Variants in ERICH2 observed in about 807,000 individuals in gnomAD.
ERICH2 encodes glutamate-rich protein 2.
Under a neutral mutation model 17.4 loss-of-function variants are expected in ERICH2, and 17 were observed. That is an observed-to-expected ratio of 0.98 (90% CI 0.67 to 1.47). The LOEUF (loss-of-function observed/expected upper bound fraction) is 1.47, where lower values mean the gene tolerates loss of function less well. Ranked by LOEUF, ERICH2 falls within the 40% of genes most tolerant of loss-of-function variation. The pLI is 0.00. For missense variants in ERICH2, 186 were observed against 183.2 expected (o/e 1.01, Z -0.09); for synonymous variants, 51 against 61.1 (o/e 0.83, Z 0.77).
the ERICH2 span, among the ~76,000 whole-genome samples, chr2:170,773,230 C>T: frequency 6.6e-6 from 1 of 152,190 alleles, no homozygotes; most frequent in East Asian, 1.9e-4. Flanking sequence ...ATCTTTGTTT[C>T]AGTGTTAACT....
intron 2 of ERICH2, among the ~76,000 whole-genome samples, chr2:170,787,888 T>G (rs1466194821): frequency 6.6e-6 from 1 of 152,212 alleles, no homozygotes; most frequent in Non-Finnish European, 1.5e-5. Flanking sequence ...TGGTATCTGT[T>G]GTCCAGTTTC....
At chr2:170,777,582 A>G in the ERICH2 span, 79 of 1,128,932 alleles carry the variant, frequency 7.0e-5, no homozygotes, top group Non-Finnish European at 8.0e-5. Context: ...TTTGCCATTT[A>G]GAAGTGTATG....
At position 170,787,657 on chromosome 2, in the gene ERICH2, G is replaced by A. The variant is rs1445091768; in HGVS notation, c.216+2824G>A. 3.3e-5 allele frequency among the ~76,000 whole-genome samples: 5 copies of A among 152,344 alleles called. No homozygotes were observed. In the East Asian group the frequency reaches 7.7e-4, roughly 23 times the overall value. ...AGAAACACCTCTGCAGATTGCTGGA[G>A]CCCTCTGTCTTTGTGAAACTCCCTC... On this transcript the variant is annotated intron_variant, in intron 2 of 4. Transcript: ENST00000409885.
intron 2 of ERICH2, among the ~76,000 whole-genome samples, chr2:170,792,407 AAAT>A (rs529387387): frequency 5.1e-4 from 77 of 152,354 alleles, no homozygotes; most frequent in African/African-American, 1.8e-3. Context: ...AGTATAATAA[AAAT>A]AATAAAAACA....
chr2:170,787,882 A>G (rs1033916544), intron 2 of ERICH2, among the ~76,000 whole-genome samples: 1 of 152,200 alleles, frequency 6.6e-6, no homozygotes, highest in African/African-American at 2.4e-5. Context: ...GTCCTGTGGT[A>G]TCTGTTGTCC....
chr2:170,782,601 A>G (rs1336889615), upstream of ERICH2, among the ~76,000 whole-genome samples: 1 of 152,220 alleles, frequency 6.6e-6, no homozygotes, highest in African/African-American at 2.4e-5. Context: ...CAGAGTCTTA[A>G]GTCCTGGAAT....
the ERICH2 span, among the ~76,000 whole-genome samples, chr2:170,775,076 A>G: frequency 6.6e-5 from 10 of 152,068 alleles, no homozygotes; most frequent in African/African-American, 1.9e-4. Flanking sequence ...TGTTTCATCT[A>G]GGTGAAGAGT....
chr2:170,786,042 T>C (rs1296465158), intron 2 of ERICH2, among the ~76,000 whole-genome samples: 2 of 152,314 alleles, frequency 1.3e-5, no homozygotes, highest in Non-Finnish European at 2.9e-5. Flanking sequence ...TTTTTTTTAA[T>C]GGTTAATTCT....
At chr2:170,794,932 T>TA (rs1191299810) in intron 3 of ERICH2, among the ~76,000 whole-genome samples, 3 of 152,214 alleles carry the variant, frequency 2.0e-5, no homozygotes, top group Non-Finnish European at 4.4e-5. Context: ...TTTTGACCTT[T>TA]AGAGCCATTG....
exon 5 of ERICH2, chr2:170,798,867 C>T (rs1435164201): frequency 1.3e-6 from 2 of 1,550,620 alleles, no homozygotes; most frequent in South Asian, 2.4e-5. Flanking sequence ...GTGACGAGAG[C>T]TCTGACGAAG....
upstream of ERICH2, among the ~76,000 whole-genome samples, chr2:170,782,853 A>G (rs1461309957): frequency 6.6e-6 from 1 of 152,212 alleles, no homozygotes; most frequent in East Asian, 1.9e-4. Flanking sequence ...GACCAAGGCA[A>G]GAGGATCAGC....
chr2:170,798,121 A>T lies in ERICH2; in HGVS notation c.346+9A>T. ...AGAAATGTTGCTGATGGGTAATTTT[A>T]AAAATTGAAATTCCTTGTTTCTCAT... On this transcript the variant is annotated intron_variant, in intron 4 of 4. Transcript: ENST00000409885. 6.6e-7 allele frequency: 1 copy of T among 1,517,028 alleles called. No individual in the cohort carries two copies. Among genetic ancestry groups the T allele is most frequent in the Non-Finnish European group, 9.0e-7 (1 of 1,116,688 alleles). The allele number at this position is 1,517,028 out of a possible 1,614,324, so 94.0% of individuals were successfully genotyped here.
At chr2:170,773,999 G>A in the ERICH2 span, among the ~76,000 whole-genome samples, 1 of 152,146 alleles carries the variant, frequency 6.6e-6, no homozygotes, top group Non-Finnish European at 1.5e-5. Context: ...TGGGATTACA[G>A]GTGTGAGCCA....
At chr2:170,785,516 G>T (rs1287650351) in intron 2 of ERICH2, among the ~76,000 whole-genome samples, 1 of 152,026 alleles carries the variant, frequency 6.6e-6, no homozygotes, top group Non-Finnish European at 1.5e-5. Context: ...AAATAAGAGA[G>T]ACATGTCTCT....
At chr2:170,775,808 T>C in the ERICH2 span, 1 of 154,590 alleles carries the variant, frequency 6.5e-6, no homozygotes, top group Non-Finnish European at 1.5e-5. Flanking sequence ...GGCAGAAGTT[T>C]ATATACAGCT....
the ERICH2 span, chr2:170,778,117 G>A: frequency 1.3e-5 from 2 of 153,354 alleles, no homozygotes; most frequent in African/African-American, 4.8e-5. Flanking sequence ...GAAGAAACTG[G>A]TGTTAAAAAA....
At chr2:170,774,397 A>G in the ERICH2 span, among the ~76,000 whole-genome samples, 3 of 152,130 alleles carry the variant, frequency 2.0e-5, no homozygotes, top group Admixed American at 6.5e-5. Flanking sequence ...TACCCAGATT[A>G]TCCCATTTAA....
At chr2:170,791,676 C>G (rs1242774209) in intron 2 of ERICH2, among the ~76,000 whole-genome samples, 1 of 150,762 alleles carries the variant, frequency 6.6e-6, no homozygotes, top group Non-Finnish European at 1.5e-5. Flanking sequence ...GGCGACAGAG[C>G]GAGACTCCGT....
chr2:170,778,800 A>ATCT (rs1700965640), upstream of ERICH2, among the ~76,000 whole-genome samples: 1 of 152,176 alleles, frequency 6.6e-6, no homozygotes, highest in East Asian at 1.9e-4. Flanking sequence ...ATCATAGATG[A>ATCT]AAAGAAATTA....
Sources: allele counts gnomAD v4.1 joint callset (sites outside exome capture counted in the v4.1 genomes callset), GRCh38; gene constraint gnomAD v4.1.1; transcripts MANE v1.5; gene names NCBI Gene and HGNC (gene_info 2026-07-23, HGNC 2026-07-21).